Variants in ADK observed in about 807,000 individuals in gnomAD.
ADK encodes the protein N6,N6-dimethyladenosine kinase.
In ADK, 24 loss-of-function variants were observed where a neutral mutation model predicts 44.7. The ratio of observed to expected loss-of-function variants is 0.54; its 90% CI spans 0.39 to 0.76. ADK has a LOEUF of 0.76. Among genes scored for constraint, ADK ranks in the 30% least tolerant of loss-of-function variants. The pLI is 0.00. For synonymous variants in ADK, 128 were observed against 142.6 expected (o/e 0.90, Z 0.73); for missense variants, 321 against 425.1 (o/e 0.76, Z 2.15).
chr10:74,262,470 G>A (rs2132378435), intron 3 of ADK, among the ~76,000 whole-genome samples: 1 of 152,232 alleles, frequency 6.6e-6, no homozygotes, highest in South Asian at 2.1e-4. Context: ...GCAAGGAGAG[G>A]AAGAAGCTTT....
intron 6 of ADK, among the ~76,000 whole-genome samples, chr10:74,407,994 AT>A (rs1844012359): frequency 6.7e-6 from 1 of 148,514 alleles, no homozygotes; most frequent in South Asian, 2.1e-4. Flanking sequence ...TAATTTTTTT[AT>A]TTGAATTTGA....
chr10:74,353,671 A>G (rs1005993103), intron 4 of ADK, among the ~76,000 whole-genome samples: 3 of 151,780 alleles, frequency 2.0e-5, no homozygotes, highest in Non-Finnish European at 4.4e-5. Context: ...GATCGAGACC[A>G]TCCTGGCTAA....
chr10:74,442,005 G>C (rs1018272584), intron 6 of ADK, among the ~76,000 whole-genome samples: 2 of 151,952 alleles, frequency 1.3e-5, no homozygotes, highest in African/African-American at 4.8e-5. Flanking sequence ...AGTGAAGCTG[G>C]GTTCAGTGGT....
At chr10:74,192,689 G>A (rs143019889) in intron 1 of ADK, among the ~76,000 whole-genome samples, 18 of 152,140 alleles carry the variant, frequency 1.2e-4, no homozygotes, top group South Asian at 1.0e-3. Context: ...ACTGCACCCA[G>A]CTAGTAATTT....
At chr10:74,639,777 G>A (rs543351455) in intron 9 of ADK, among the ~76,000 whole-genome samples, 18 of 152,096 alleles carry the variant, frequency 1.2e-4, no homozygotes, top group Admixed American at 8.5e-4. Context: ...CAGAGGTTGC[G>A]GTGAGCCGAG....
chr10:74,463,222 T>G (rs1846231870), intron 6 of ADK, among the ~76,000 whole-genome samples: 1 of 151,848 alleles, frequency 6.6e-6, no homozygotes, highest in Non-Finnish European at 1.5e-5. Context: ...GGGGGAGGGG[T>G]GGTTTCAGGA....
At chr10:74,455,348 T>A (rs756867615) in intron 6 of ADK, among the ~76,000 whole-genome samples, 9 of 151,934 alleles carry the variant, frequency 5.9e-5, no homozygotes, top group African/African-American at 9.7e-5. Context: ...TTAAAAAAAA[T>A]AAAAAATAAA....
At chr10:74,502,003 T>C (rs181403168) in intron 6 of ADK, among the ~76,000 whole-genome samples, 4 of 152,238 alleles carry the variant, frequency 2.6e-5, no homozygotes, top group Non-Finnish European at 5.9e-5. Flanking sequence ...AATCAGTTGA[T>C]TTAAGACTTA....
intron 4 of ADK, among the ~76,000 whole-genome samples, chr10:74,338,234 A>G (rs545654734): frequency 2.0e-5 from 3 of 152,366 alleles, no homozygotes; most frequent in East Asian, 1.9e-4. Flanking sequence ...AATTAAAACT[A>G]TAAGATACTG....
intron 6 of ADK, among the ~76,000 whole-genome samples, chr10:74,422,756 C>G (rs2133037111): frequency 6.6e-6 from 1 of 152,294 alleles, no homozygotes; most frequent in East Asian, 1.9e-4. Flanking sequence ...TCCCACTCCC[C>G]CTTTACCTAC....
chr10:74,433,895 G>A (rs1051583639), intron 6 of ADK, among the ~76,000 whole-genome samples: 5 of 152,122 alleles, frequency 3.3e-5, no homozygotes, highest in African/African-American at 9.7e-5. Context: ...TCTTTAAATT[G>A]GAGGTGAGGA....
chr10:74,397,231 A>G (rs1380129355), intron 5 of ADK, among the ~76,000 whole-genome samples: 4 of 151,826 alleles, frequency 2.6e-5, no homozygotes, highest in African/African-American at 9.7e-5. Context: ...TTACTTGAAC[A>G]TAAACAGATG....
chr10:74,359,162 A>G (rs1266354760), intron 4 of ADK, among the ~76,000 whole-genome samples: 1 of 151,970 alleles, frequency 6.6e-6, no homozygotes, highest in Non-Finnish European at 1.5e-5. Flanking sequence ...CTCCATATGG[A>G]TATCTTTGGT....
rs556423624 is a variant in ADK, at chr10:74,650,992, T to G, written c.878-19191T>G. On this transcript the variant is annotated intron_variant, in intron 9 of 10. Transcript: ENST00000539909. ...TAGTTGTTCAACATAACCAGCAAAG[T>G]ATAAAGACTTGACACCTAATGGCTT... is the stretch of plus-strand genomic sequence containing the variant. 3.2e-3 allele frequency among the ~76,000 whole-genome samples: 487 copies of G among 152,330 alleles called. 1 individual carries two copies. The highest frequency in any genetic ancestry group is 0.011 in the African/African-American group (468 of 41,576).
intron 4 of ADK, among the ~76,000 whole-genome samples, chr10:74,391,650 TATACAC>T (rs200855456): frequency 0.4 from 54,323 of 134,502 alleles, 11,523 homozygotes; most frequent in Middle Eastern, 0.51. Context: ...GAGGCAAGAA[TATACAC>T]ACACACACAC....
rs551414991 is a variant in ADK at position 74,668,972 on chromosome 10, G to C, written c.878-1211G>C. ...CAGAGAGAATCCCTTGAGCCCAGGA[G>C]GTCAAGGTTGGAGTGTGTTATGATT... On this transcript the variant is annotated intron_variant, in intron 9 of 10. Coordinates refer to ENST00000539909, the MANE Select transcript of ADK (RefSeq NM_006721.4). Among the ~76,000 whole-genome samples, 5 of 151,464 alleles carry C rather than the reference G, an allele frequency of 3.3e-5. No homozygotes were observed. The South Asian group carries it at 1.0e-3, about 32-fold the overall frequency.
chr10:74,645,700 A>T (rs1854030209), intron 9 of ADK, among the ~76,000 whole-genome samples: 1 of 152,228 alleles, frequency 6.6e-6, no homozygotes, highest in Non-Finnish European at 1.5e-5. Context: ...ATGAGATAAA[A>T]GCTTCAGTAA....
chr10:74,425,670 G>C (rs945578952), intron 6 of ADK, among the ~76,000 whole-genome samples: 1 of 152,154 alleles, frequency 6.6e-6, no homozygotes, highest in Non-Finnish European at 1.5e-5. Context: ...TCTGTACATG[G>C]CTGTGAAAAC....
At chr10:74,535,050 C>G (rs893029011) in intron 7 of ADK, among the ~76,000 whole-genome samples, 1 of 152,064 alleles carries the variant, frequency 6.6e-6, no homozygotes, top group African/African-American at 2.4e-5. Context: ...TTTAATGTTG[C>G]TATTGAATTG....
Sources: gnomAD v4.1 joint callset for allele counts (sites outside exome capture counted in the v4.1 genomes callset) on GRCh38, gnomAD v4.1.1 for gene constraint, MANE v1.5 for transcripts, NCBI Gene and HGNC (gene_info 2026-07-23, HGNC 2026-07-21) for gene names.